The following CD96 variants were observed in gnomAD, a reference collection of about 807,000 sequenced individuals.
CD96 encodes the protein CD96 molecule, also known as T-cell surface protein tactile.
CD96 carries 70 observed loss-of-function variants against 71.3 expected under a neutral mutation model. That is an observed-to-expected ratio of 0.98 (90% CI 0.81 to 1.20). The LOEUF (loss-of-function observed/expected upper bound fraction) is 1.20. CD96 is among the 50% of genes most tolerant of loss of function. CD96 has a pLI of 0.00. For missense variants in CD96, 742 were observed against 677.5 expected, an observed-to-expected ratio of 1.10 and a Z score of -1.06; for synonymous variants, 248 against 233.0, an observed-to-expected ratio of 1.06 and a Z score of -0.59.
At chr3:111,635,422 T>C (rs1299363914) in intron 10 of CD96, among the ~76,000 whole-genome samples, 1 of 152,220 alleles carries the variant, frequency 6.6e-6, no homozygotes, top group Non-Finnish European at 1.5e-5. Context: ...TGAGGGGTCT[T>C]TTAAAATTGG....
chr3:111,654,901 T>C (rs1389283210), downstream of CD96, among the ~76,000 whole-genome samples: 1 of 152,222 alleles, frequency 6.6e-6, no homozygotes, highest in Non-Finnish European at 1.5e-5. Flanking sequence ...AGAACAACAG[T>C]TACATGAATC....
chr3:111,570,162 G>T (rs189420281), intron 3 of CD96, among the ~76,000 whole-genome samples: 8 of 152,304 alleles, frequency 5.3e-5, no homozygotes, highest in Non-Finnish European at 1.0e-4. Context: ...CACCTTTGGG[G>T]AATAGGGTGG....
At chr3:111,648,047 G>C (rs1380660520) in intron 13 of CD96, among the ~76,000 whole-genome samples, 1 of 152,162 alleles carries the variant, frequency 6.6e-6, no homozygotes, top group Non-Finnish European at 1.5e-5. Flanking sequence ...AGATGCTCAA[G>C]TGTGAAATTG....
At position 111,575,537 on chromosome 3, in the gene CD96, T is replaced by C. The variant is rs186576832; in HGVS notation, c.544-3490T>C. Reference sequence around the variant, plus strand: ...AAGGGCCAACCCTTACGGGTTGACATTGGCAAGAGAGCAGATTGAGCTATT... The same window carrying C: ...AAGGGCCAACCCTTACGGGTTGACACTGGCAAGAGAGCAGATTGAGCTATT... On this transcript the variant is annotated intron_variant, in intron 3 of 13. Transcript: ENST00000352690. 7.5e-4 allele frequency among the ~76,000 whole-genome samples: 115 copies of C among 152,366 alleles called. 2 individuals carry two copies. The highest frequency in any genetic ancestry group is 1.8e-4 in the Non-Finnish European group (12 of 68,026).
At chr3:111,639,289 G>C (rs1685156575) in intron 12 of CD96, among the ~76,000 whole-genome samples, 1 of 152,144 alleles carries the variant, frequency 6.6e-6, no homozygotes, top group South Asian at 2.1e-4. Context: ...GCGGGGTGGG[G>C]GGCATGGTGG....
At chr3:111,620,085 C>T (rs1377701451) in intron 8 of CD96, among the ~76,000 whole-genome samples, 2 of 152,236 alleles carry the variant, frequency 1.3e-5, no homozygotes, top group Non-Finnish European at 2.9e-5. Context: ...TGGGCTTTTG[C>T]ATGGCTATGC....
At chr3:111,606,857 C>G in intron 8 of CD96, 65 bp downstream of exon 8, 1 of 983,894 alleles carries the variant, frequency 1.0e-6, no homozygotes, top group Non-Finnish European at 1.6e-6. Context: ...AAAATTTCAG[C>G]AAACTTGCAT....
intron 2 of CD96, among the ~76,000 whole-genome samples, chr3:111,563,536 C>T (rs1935557229): frequency 6.6e-6 from 1 of 152,132 alleles, no homozygotes; most frequent in African/African-American, 2.4e-5. Context: ...ATAAGAAATG[C>T]TTTGCAATTT....
chr3:111,570,923 G>A (rs375644918), intron 3 of CD96: 39 of 1,579,274 alleles, frequency 2.5e-5, no homozygotes, highest in Middle Eastern at 1.7e-4. Context: ...TGCATGAGGC[G>A]CCAGCGTCAA....
At position 111,600,725 on chromosome 3, in the gene CD96, G is replaced by A. The variant is rs752201688; in HGVS notation, c.899-1G>A. On this transcript the variant is annotated splice_acceptor_variant, in intron 6 of 13. Coordinates refer to ENST00000352690, the MANE Select transcript of CD96 (RefSeq NM_005816.5). LOFTEE classifies it high-confidence loss of function. ...GAACCATGTTCGTATCTGTCTGGCA[G>A]GAATATATATTACTAATGAAGAGAG... is the stretch of plus-strand genomic sequence containing the variant. 3.1e-6 allele frequency: 5 copies of A among 1,605,980 alleles called. No individual in the cohort carries two copies. The highest frequency in any genetic ancestry group is 4.3e-6 in the Non-Finnish European group (5 of 1,172,672).
chr3:111,647,796 A>G, intron 13 of CD96, 130 bp downstream of exon 13: 1 of 715,242 alleles, frequency 1.4e-6, no homozygotes, highest in Non-Finnish European at 2.4e-6. Flanking sequence ...ACAGAAGCTC[A>G]GAGAGATTAT....
intron 2 of CD96, among the ~76,000 whole-genome samples, chr3:111,558,919 T>A (rs982535580): frequency 9.9e-5 from 15 of 152,164 alleles, no homozygotes; most frequent in Non-Finnish European, 2.2e-4. Flanking sequence ...TGCAACTTCT[T>A]CCTGGTTTAG....
chr3:111,550,834 C>T (rs1293816347), intron 2 of CD96, among the ~76,000 whole-genome samples: 1 of 152,036 alleles, frequency 6.6e-6, no homozygotes, highest in East Asian at 1.9e-4. Context: ...GTTGAACATC[C>T]ATTTGGGTAT....
At chr3:111,661,572 T>C (rs1026555216) in intron 14 of CD96, among the ~76,000 whole-genome samples, 1 of 152,286 alleles carries the variant, frequency 6.6e-6, no homozygotes, top group East Asian at 1.9e-4. Context: ...ATGCTCCCAT[T>C]CTGAAAGGGA....
chr3:111,665,195 ATG>A (rs141294278), intron 14 of CD96, among the ~76,000 whole-genome samples: 10 of 134,656 alleles, frequency 7.4e-5, no homozygotes, highest in African/African-American at 1.7e-4. Context: ...GTGTGTGTGT[ATG>A]TGTGTGTGTG....
At chr3:111,610,670 AT>A (rs1219138798) in intron 8 of CD96, among the ~76,000 whole-genome samples, 1 of 152,214 alleles carries the variant, frequency 6.6e-6, no homozygotes, top group African/African-American at 2.4e-5. Flanking sequence ...TCCCAGCTGC[AT>A]TCTCAGCGCA....
chr3:111,654,254 T>C (rs923256376), downstream of CD96, among the ~76,000 whole-genome samples: 1 of 152,094 alleles, frequency 6.6e-6, no homozygotes, highest in Non-Finnish European at 1.5e-5. Context: ...ATAGTGAGAA[T>C]TGGGGAATCA....
chr3:111,547,910 G>A (rs748375846), intron 2 of CD96, among the ~76,000 whole-genome samples: 3 of 152,126 alleles, frequency 2.0e-5, no homozygotes, highest in Non-Finnish European at 4.4e-5. Flanking sequence ...AGCCTGGTAC[G>A]GAGCTACAGA....
chr3:111,624,727 G>A (rs186574938), intron 10 of CD96, among the ~76,000 whole-genome samples: 2 of 152,240 alleles, frequency 1.3e-5, no homozygotes, highest in East Asian at 3.9e-4. Context: ...TGAGGAAGGT[G>A]ACATCTGAGC....
Sources: gnomAD v4.1 joint callset for allele counts (sites outside exome capture counted in the v4.1 genomes callset) on GRCh38, gnomAD v4.1.1 for gene constraint, MANE v1.5 for transcripts, NCBI Gene and HGNC (gene_info 2026-07-23, HGNC 2026-07-21) for gene names.